GOT1L1: variants seen among roughly 807,000 people sequenced by gnomAD.
The protein encoded by GOT1L1 is aspartate aminotransferase, cytoplasmic 2.
GOT1L1 carries 38 observed loss-of-function variants against 43.6 expected under a neutral mutation model. The ratio of observed to expected loss-of-function variants is 0.87; its 90% CI spans 0.67 to 1.14. The LOEUF (loss-of-function observed/expected upper bound fraction) is 1.14. Ranked by LOEUF, GOT1L1 falls within the 50% of genes most tolerant of loss-of-function variation. GOT1L1 has a pLI of 0.00. For missense variants in GOT1L1, 482 were observed against 504.0 expected, an observed-to-expected ratio of 0.96 and a Z score of 0.42; for synonymous variants, 183 against 187.2, an observed-to-expected ratio of 0.98 and a Z score of 0.18.
At chr8:37,937,793 C>T (rs373280936) in intron 2 of GOT1L1, 44 bp from the exon 3 acceptor site, 2 of 1,375,326 alleles carry the variant, frequency 1.5e-6, no homozygotes, top group Non-Finnish European at 2.1e-6. Context: ...TGTGGTGGCT[C>T]ACACCTGTAA....
chr8:37,940,020 G>A lies in GOT1L1; in HGVS notation c.10C>T (p.Leu4Phe), dbSNP rs769479495. ...AGGGGCACATCCATGAACACTGAAA[G>A]GGTGGGCATAACTGAAACGAAACTG... is the stretch of plus-strand genomic sequence containing the variant. MPTLSVFMDVPLAH... is the reference protein window; with the variant it reads MPTFSVFMDVPLAH... The change falls in exon 1 of 9, where the codon CTT becomes TTT. Residue 4 changes from leucine to phenylalanine, a missense_variant. Transcript: ENST00000307599. 3.1e-6 allele frequency: 5 copies of A among 1,612,948 alleles called. No individual in the cohort carries two copies. The African/African-American group carries it at 6.7e-5, about 22-fold the overall frequency.
rs371474451 is a variant in GOT1L1, at chr8:37,935,794, C to A, written c.839G>T (p.Gly280Val). Reference sequence around the variant, plus strand: ...GTTTAGCCACAGGGCCTGGGCTAATCCTTCCAGCTGGGAGAGGACACACAG... The same window carrying A: ...GTTTAGCCACAGGGCCTGGGCTAATACTTCCAGCTGGGAGAGGACACACAG... Reference protein sequence around the residue: ...QLLCVLSQLEGLAQALWLNPP... With the variant: ...QLLCVLSQLEVLAQALWLNPP... The change falls in exon 7 of 9, where the codon GGA becomes GTA. Residue 280 changes from glycine (G) to valine (V), a missense_variant. Transcript: ENST00000307599. The A allele has an allele frequency of 6.2e-7, 1 of 1,613,172 alleles. No homozygotes were observed. Among genetic ancestry groups the A allele is most frequent in the East Asian group, 2.2e-5 (1 of 44,826 alleles).
chr8:37,938,772 G>T lies in GOT1L1; in HGVS notation c.225C>A (p.Gly75=). 6.2e-7 allele frequency: 1 copy of T among 1,611,656 alleles called. No homozygotes were observed. The highest frequency in any genetic ancestry group is 8.5e-7 in the Non-Finnish European group (1 of 1,178,936). The stretch of plus-strand genomic sequence containing the variant: ...GAGAGGCCTGGATGAATGATTTCAG[G>T]CCCATGGTGGGCAAGTACTCATAAT... ...SLNYEYLPTM[G]LKSFIQASLA... The change falls in exon 2 of 9, where the codon GGC becomes GGA. Residue 75 remains glycine (G), a synonymous_variant. Coordinates refer to ENST00000307599, the MANE Select transcript of GOT1L1 (RefSeq NM_152413.3).
Position 37,935,136 on chromosome 8 carries a change from T to G in GOT1L1, c.1009A>C (p.Thr337Pro). The change falls in exon 8 of 9, where the codon ACC becomes CCC. Residue 337 changes from threonine (T) to proline (P), a missense_variant. Coordinates refer to ENST00000307599, the MANE Select transcript of GOT1L1 (RefSeq NM_152413.3). ...GTGATGTGACCCCAGGACCCAGGGG[T>G]TCCCAGGAGCTGGAGTTTCTCCTTC... is the stretch of plus-strand genomic sequence containing the variant. ...KVKEKLQLLG[T>P]PGSWGHITEQ... The G allele has an allele frequency of 6.2e-7, 1 of 1,613,424 alleles. No individual in the cohort carries two copies. The highest frequency in any genetic ancestry group is 1.1e-5 in the South Asian group (1 of 90,996).
At chr8:37,934,632 G>T in intron 8 of GOT1L1, 146 bp from the exon 9 acceptor site, 1 of 674,000 alleles carries the variant, frequency 1.5e-6, no homozygotes, top group Non-Finnish European at 2.5e-6. Flanking sequence ...GTTCAATGGT[G>T]CAATCTTGGC....
chr8:37,936,132 T>TTTTTTATTTTTA (rs372141435), intron 6 of GOT1L1, among the ~76,000 whole-genome samples: 8 of 152,096 alleles, frequency 5.3e-5, no homozygotes, highest in African/African-American at 1.4e-4. Context: ...TTTCCTTTCC[T>TTTTTTATTTTTA]TTTTTATTTT....
chr8:37,936,397 C>T (rs1213682908), intron 6 of GOT1L1, among the ~76,000 whole-genome samples: 2 of 151,954 alleles, frequency 1.3e-5, no homozygotes, highest in African/African-American at 4.8e-5. Flanking sequence ...ATCACCTAAC[C>T]TTGACCTCCC....
chr8:37,938,602 AG>A lies in GOT1L1; in HGVS notation c.297+97del. 4 of 1,069,060 alleles carry A rather than the reference AG, an allele frequency of 3.7e-6. No homozygotes were observed. The East Asian group carries it at 7.9e-5, about 21-fold the overall frequency. The allele number at this position is 1,069,060 out of a possible 1,614,324, so 66.2% of individuals were successfully genotyped here. A position where few individuals can be genotyped will look rare whatever the true frequency, so the allele number is the denominator to read the frequency against. ...CTCAGGTATCTCTTTTATCAATACC[AG>A]GGGGCCCTCCGAGGTCCCCTTCGGG... On this transcript the variant is annotated intron_variant, in intron 2 of 8. Transcript: ENST00000307599.
chr8:37,939,897 G>T lies in GOT1L1; in HGVS notation c.115+18C>A. On this transcript the variant is annotated intron_variant, in intron 1 of 8. Coordinates refer to ENST00000307599, the MANE Select transcript of GOT1L1 (RefSeq NM_152413.3). ...ACCATCACTTAAGTCTTATACTTCA[G>T]AACTGCTAGGCATCTACCTCTATAG... 1.2e-6 allele frequency: 2 copies of T among 1,608,592 alleles called. No individual in the cohort carries two copies. Among genetic ancestry groups the T allele is most frequent in the South Asian group, 1.1e-5 (1 of 90,274 alleles).
chr8:37,937,717 A>G lies in GOT1L1; in HGVS notation c.330T>C (p.Gly110=). 1.7e-5 allele frequency: 27 copies of G among 1,613,056 alleles called. No individual in the cohort carries two copies. The highest frequency in any genetic ancestry group is 2.3e-5 in the Non-Finnish European group (27 of 1,179,528). ...GAAACTGGACGCCAAGCTGGAAGGCACCACTGTCACCAACAGTGTGTACAC... is the reference window on the plus strand; with the variant it reads ...GAAACTGGACGCCAAGCTGGAAGGCGCCACTGTCACCAACAGTGTGTACAC... ...VGGVHTVGDS[G]AFQLGVQFLR... The change falls in exon 3 of 9, where the codon GGT becomes GGC. Residue 110 remains glycine (G), a synonymous_variant. Transcript: ENST00000307599.
At position 37,937,404 on chromosome 8, in the gene GOT1L1, C is replaced by G. The variant is rs753473533; in HGVS notation, c.410-18G>C. 1 of 1,496,114 alleles carries G rather than the reference C, an allele frequency of 6.7e-7. No individual in the cohort carries two copies. Among genetic ancestry groups the G allele is most frequent in the Non-Finnish European group, 9.1e-7 (1 of 1,093,876 alleles). 92.7% of individuals were successfully genotyped at this position (1,496,114 alleles called of 1,614,324 possible). ...ATGCAGTTCTGTGGGAACACAGCCC[C>G]CCACTAGCTGGTACATGGGAAACAG... On this transcript the variant is annotated intron_variant, in intron 3 of 8. Coordinates refer to ENST00000307599, the MANE Select transcript of GOT1L1 (RefSeq NM_152413.3).
rs1429194364 is a variant in GOT1L1, at chr8:37,937,020, A to G, written c.557T>C (p.Ile186Thr). Residue 186 changes from isoleucine to threonine, a missense_variant, in exon 5 of 9, where the codon ATT (isoleucine) becomes ACT (threonine). Ile to Thr is a moderately conservative substitution (Grantham distance 89). Coordinates refer to ENST00000307599, the MANE Select transcript of GOT1L1 (RefSeq NM_152413.3). ...PHGCVLVMGN[I>T]IDCKLTPSGW... ...ACTTGGTGTCAACTTGCAGTCGATA[A>G]TGTTCCCCATCACAAGGACACAGCC... 5 of 1,613,878 alleles carry G rather than the reference A, an allele frequency of 3.1e-6. No individual in the cohort carries two copies. Among genetic ancestry groups the G allele is most frequent in the Non-Finnish European group, 4.2e-6 (5 of 1,179,898 alleles).
Position 37,937,333 on chromosome 8 carries a change from C to CAGAG in GOT1L1, c.459_462dup (p.Val155LeufsTer60). 6.2e-7 allele frequency: 1 copy of CAGAG among 1,610,908 alleles called. No homozygotes were observed. On this transcript the variant is annotated frameshift_variant, in exon 4 of 9. Coordinates refer to ENST00000307599, the MANE Select transcript of GOT1L1 (RefSeq NM_152413.3). LOFTEE classifies it high-confidence loss of function. ...ATGCATAGCTTCTTGGGGTCCCAGA[C>CAGAG]AGAGTATTCATAAACTGTAAAGCCC...
chr8:37,939,533 G>A (rs1029249048), intron 1 of GOT1L1, among the ~76,000 whole-genome samples: 2 of 146,618 alleles, frequency 1.4e-5, no homozygotes, highest in African/African-American at 5.0e-5. Context: ...TTTCACAGTG[G>A]TGAGCCCCAG....
chr8:37,935,870 C>A lies in GOT1L1; in HGVS notation c.764-1G>T, dbSNP rs1807738219. ...ACCACTAGCATCCCCACTCCTTCAT[C>A]TGCAGTGTTGGGAAGACAGCCTCAG... On this transcript the variant is annotated splice_acceptor_variant, in intron 6 of 8. Transcript: ENST00000307599. LOFTEE classifies it high-confidence loss of function. 2 of 1,612,422 alleles carry A rather than the reference C, an allele frequency of 1.2e-6. No homozygotes were observed. Among genetic ancestry groups the A allele is most frequent in the African/African-American group, 2.7e-5 (2 of 74,844 alleles).
In GOT1L1 at chr8:37,940,006, C is replaced by G; in HGVS notation, c.24G>C (p.Met8Ile). 6.2e-7 allele frequency: 1 copy of G among 1,613,444 alleles called. No individual in the cohort carries two copies. Among genetic ancestry groups the G allele is most frequent in the Middle Eastern group, 1.7e-4 (1 of 6,056 alleles). Residue 8 changes from methionine (M) to isoleucine (I), a missense_variant, in exon 1 of 9, where the codon ATG (methionine) becomes ATC (isoleucine). Physicochemically the swap from Met to Ile is conservative, Grantham distance 10 (BLOSUM62 1). Transcript: ENST00000307599. Reference protein sequence around the residue: MPTLSVFMDVPLAHKLEG... With the variant: MPTLSVFIDVPLAHKLEG... ...CTAGCTTGTGGGCGAGGGGCACATC[C>G]ATGAACACTGAAAGGGTGGGCATAA...
At position 37,935,058 on chromosome 8, in the gene GOT1L1, C is replaced by T. The variant is rs777452280; in HGVS notation, c.1072+15G>A. The T allele has an allele frequency of 1.9e-6, 3 of 1,613,488 alleles. No homozygotes were observed. Among genetic ancestry groups the T allele is most frequent in the Non-Finnish European group, 1.7e-6 (2 of 1,179,614 alleles). On this transcript the variant is annotated intron_variant, in intron 8 of 8. Transcript: ENST00000307599. ...AAGGTCAGAAAGGGGGGACACCAGC[C>T]CCCTAGACCCTTACAGTTGAGTCCA...
At chr8:37,936,507 G>C (rs569242761) in intron 6 of GOT1L1, among the ~76,000 whole-genome samples, 30 of 152,014 alleles carry the variant, frequency 2.0e-4, no homozygotes, top group Non-Finnish European at 4.0e-4. Flanking sequence ...GGCCTGAGGG[G>C]GTGAAATGAT....
rs367962791 is a variant in GOT1L1, at chr8:37,935,878, T to C, written c.764-9A>G. 5.6e-6 allele frequency: 9 copies of C among 1,610,088 alleles called. No individual in the cohort carries two copies. The highest frequency in any genetic ancestry group is 5.4e-5 in the African/African-American group (4 of 74,708). ...CATCCCCACTCCTTCATCTGCAGTGTTGGGAAGACAGCCTCAGCCTCAGCC... is the reference window on the plus strand; with the variant it reads ...CATCCCCACTCCTTCATCTGCAGTGCTGGGAAGACAGCCTCAGCCTCAGCC... On this transcript the variant is annotated splice_polypyrimidine_tract_variant and intron_variant, in intron 6 of 8. Transcript: ENST00000307599.
Sources: gnomAD v4.1 joint callset for allele counts (sites outside exome capture counted in the v4.1 genomes callset) on GRCh38, gnomAD v4.1.1 for gene constraint, MANE v1.5 for transcripts, NCBI Gene and HGNC (gene_info 2026-07-23, HGNC 2026-07-21) for gene names.